TECRL: variants seen among roughly 807,000 people sequenced by gnomAD.
TECRL encodes trans-2,3-enoyl-CoA reductase-like.
In TECRL, 63 loss-of-function variants were observed where a neutral mutation model predicts 52.8. The ratio of observed to expected loss-of-function variants is 1.19; its 90% CI spans 0.97 to 1.47. TECRL has a LOEUF of 1.47. Among genes scored for constraint, TECRL ranks in the 40% most tolerant of loss-of-function variants. The pLI, the probability that TECRL is intolerant of heterozygous loss-of-function variation, is 0.00. For missense variants in TECRL, 482 were observed against 429.6 expected (o/e 1.12, Z -1.08); for synonymous variants, 164 against 141.9 (o/e 1.16, Z -1.10).
intron 2 of TECRL, among the ~76,000 whole-genome samples, chr4:64,374,598 T>C (rs1722255203): frequency 6.6e-6 from 1 of 151,942 alleles, no homozygotes. Context: ...TGTGTGATGT[T>C]CCCCTTCCTG....
At chr4:64,380,837 A>C (rs1389281529) in intron 1 of TECRL, among the ~76,000 whole-genome samples, 2 of 152,010 alleles carry the variant, frequency 1.3e-5, no homozygotes, top group Admixed American at 1.3e-4. Context: ...TGATGCCTCC[A>C]GCTTTGTTTC....
chr4:64,287,359 T>C (rs1184826409), intron 9 of TECRL, among the ~76,000 whole-genome samples: 1 of 152,214 alleles, frequency 6.6e-6, no homozygotes, highest in Non-Finnish European at 1.5e-5. Flanking sequence ...CTTGTAATTA[T>C]ATGTATTTTA....
At chr4:64,297,611 A>T (rs1418489508) in intron 8 of TECRL, among the ~76,000 whole-genome samples, 1 of 151,170 alleles carries the variant, frequency 6.6e-6, no homozygotes, top group African/African-American at 2.4e-5. Context: ...TTTCAAATGC[A>T]TTGGACTTGA....
chr4:64,283,726 G>GTACAAC (rs1722944047), intron 9 of TECRL, among the ~76,000 whole-genome samples: 1 of 152,032 alleles, frequency 6.6e-6, no homozygotes, highest in Non-Finnish European at 1.5e-5. Flanking sequence ...TCTAAAGAAT[G>GTACAAC]TACAACTCCA....
intron 8 of TECRL, 21 bp from the exon 9 acceptor site, chr4:64,289,788 T>C (rs1723278166): frequency 6.6e-7 from 1 of 1,520,470 alleles, no homozygotes; most frequent in Non-Finnish European, 8.8e-7. Flanking sequence ...TTTTAAACAC[T>C]TTCAGTGTGA....
chr4:64,322,791 G>C lies in TECRL; in HGVS notation c.333C>G (p.Gly111=), dbSNP rs535849187. The change falls in exon 4 of 12, where the codon GGC becomes GGG. Residue 111 remains glycine (G), a splice_region_variant and synonymous_variant. Coordinates refer to ENST00000381210, the MANE Select transcript of TECRL (RefSeq NM_001010874.5). ...PSRVGLQLEC[G]GPFLKDYITI... Reference sequence around the variant, plus strand: ...TAATGTAGTCCTTCAAAAAAGGCCCGCCTAAAATAAAAATAACAAGAAAAT... The same window carrying C: ...TAATGTAGTCCTTCAAAAAAGGCCCCCCTAAAATAAAAATAACAAGAAAAT... 2 of 1,585,720 alleles carry C rather than the reference G, an allele frequency of 1.3e-6. No individual in the cohort carries two copies. Among genetic ancestry groups the C allele is most frequent in the Middle Eastern group, 3.4e-4 (2 of 5,896 alleles).
intron 1 of TECRL, among the ~76,000 whole-genome samples, chr4:64,395,032 C>T (rs900139834): frequency 3.3e-5 from 5 of 150,864 alleles, no homozygotes; most frequent in African/African-American, 1.2e-4. Context: ...TCTGCCTCAA[C>T]CTCCTGAGTA....
intron 2 of TECRL, among the ~76,000 whole-genome samples, chr4:64,329,464 A>G (rs912887442): frequency 6.6e-6 from 1 of 151,886 alleles, no homozygotes; most frequent in Non-Finnish European, 1.5e-5. Flanking sequence ...ATTAATAGGT[A>G]ATATATTACT....
chr4:64,289,229 A>G (rs1723243790), intron 9 of TECRL, among the ~76,000 whole-genome samples: 1 of 152,218 alleles, frequency 6.6e-6, no homozygotes, highest in Admixed American at 6.5e-5. Flanking sequence ...TAAATATACT[A>G]CTAACTTTGA....
At chr4:64,365,810 C>T (rs973953752) in intron 2 of TECRL, among the ~76,000 whole-genome samples, 4 of 151,782 alleles carry the variant, frequency 2.6e-5, no homozygotes, top group African/African-American at 7.3e-5. Context: ...CAGACCAAAG[C>T]GATGTACAGA....
At chr4:64,334,359 C>T (rs1370784126) in intron 2 of TECRL, among the ~76,000 whole-genome samples, 1 of 152,128 alleles carries the variant, frequency 6.6e-6, no homozygotes, top group South Asian at 2.1e-4. Context: ...TAAACCATTT[C>T]TTTGCAGTCT....
chr4:64,298,159 G>C (rs565490819), intron 8 of TECRL, among the ~76,000 whole-genome samples: 10 of 151,062 alleles, frequency 6.6e-5, no homozygotes, highest in African/African-American at 2.4e-4. Flanking sequence ...TAAATTTAAA[G>C]TTTATCAAAT....
intron 6 of TECRL, among the ~76,000 whole-genome samples, chr4:64,306,778 T>C (rs547647048): frequency 6.6e-6 from 1 of 152,320 alleles, no homozygotes; most frequent in African/African-American, 2.4e-5. Flanking sequence ...TCAGCACTGC[T>C]CAGCAAGCAT....
chr4:64,332,828 G>A (rs1718739507), intron 2 of TECRL, among the ~76,000 whole-genome samples: 2 of 152,098 alleles, frequency 1.3e-5, no homozygotes, highest in African/African-American at 2.4e-5. Flanking sequence ...CGGGAAAGGT[G>A]TAGGATATAT....
intron 8 of TECRL, among the ~76,000 whole-genome samples, chr4:64,290,342 A>AC (rs1723311600): frequency 2.6e-5 from 4 of 152,092 alleles, no homozygotes; most frequent in African/African-American, 9.7e-5. Flanking sequence ...AAGGCTTACC[A>AC]CCATCGCCTG....
At chr4:64,325,791 T>A (rs930921048) in intron 3 of TECRL, among the ~76,000 whole-genome samples, 2 of 152,148 alleles carry the variant, frequency 1.3e-5, no homozygotes, top group Non-Finnish European at 2.9e-5. Context: ...CTATCATGCT[T>A]GCCAACTTCA....
intron 1 of TECRL, among the ~76,000 whole-genome samples, chr4:64,408,576 A>G (rs1724885430): frequency 6.6e-6 from 1 of 152,048 alleles, no homozygotes; most frequent in Non-Finnish European, 1.5e-5. Context: ...GTGTTTTTGA[A>G]GCAAGTAAAC....
intron 2 of TECRL, among the ~76,000 whole-genome samples, chr4:64,356,256 G>C (rs1720761912): frequency 6.6e-6 from 1 of 152,040 alleles, no homozygotes; most frequent in African/African-American, 2.4e-5. Context: ...TGGCCTCCTG[G>C]GATGCGAAAG....
chr4:64,342,913 A>G (rs1355127732), intron 2 of TECRL, among the ~76,000 whole-genome samples: 1 of 152,166 alleles, frequency 6.6e-6, no homozygotes, highest in African/African-American at 2.4e-5. Context: ...AAATAACACT[A>G]TGAAAATACA....
Sources: gnomAD v4.1 joint callset for allele counts (sites outside exome capture counted in the v4.1 genomes callset) on GRCh38, gnomAD v4.1.1 for gene constraint, MANE v1.5 for transcripts, NCBI Gene and HGNC (gene_info 2026-07-23, HGNC 2026-07-21) for gene names.